ERAP1: variants seen among roughly 807,000 people sequenced by gnomAD.
ERAP1 encodes the protein endoplasmic reticulum aminopeptidase 1.
ERAP1 carries 86 observed loss-of-function variants against 103.7 expected under a neutral mutation model. The ratio of observed to expected loss-of-function variants is 0.83; its 90% CI spans 0.70 to 0.99. The LOEUF is 0.99. Ranked by LOEUF, ERAP1 falls within the 50% of genes least tolerant of loss-of-function variation. The probability of loss-of-function intolerance (pLI) is 0.00; values close to 1 mark genes in which losing one functional copy is unlikely to be tolerated. For synonymous variants in ERAP1, 398 were observed against 402.4 expected (o/e 0.99, Z 0.13); for missense variants, 1,009 against 1,128.4 (o/e 0.89, Z 1.52).
the ERAP1 span, among the ~76,000 whole-genome samples, chr5:96,837,207 T>G: frequency 6.6e-6 from 1 of 152,246 alleles, no homozygotes; most frequent in African/African-American, 2.4e-5. Context: ...AATGTCAATA[T>G]TTATGATATG....
the ERAP1 span, chr5:96,919,840 A>G: frequency 2.0e-5 from 3 of 152,276 alleles, no homozygotes; most frequent in Admixed American, 6.5e-5. Flanking sequence ...GTTATATGCA[A>G]GATCATGAAT....
At chr5:96,786,005 G>T (rs1300550147) in intron 12 of ERAP1, 34 bp from the exon 13 acceptor site, 1 of 1,601,760 alleles carries the variant, frequency 6.2e-7, no homozygotes, top group Non-Finnish European at 8.5e-7. Flanking sequence ...AGTTCCATTT[G>T]CTCCCCTGCC....
chr5:96,886,557 G>A, the ERAP1 span: 1 of 1,076,852 alleles, frequency 9.3e-7, no homozygotes. Context: ...GTCCTTCAGA[G>A]TATGAGGCTT....
At chr5:96,845,433 C>T in the ERAP1 span, among the ~76,000 whole-genome samples, 1 of 152,096 alleles carries the variant, frequency 6.6e-6, no homozygotes, top group Non-Finnish European at 1.5e-5. Flanking sequence ...CAAGGTTTCA[C>T]CATGTTGGCT....
the ERAP1 span, chr5:96,900,163 T>C: frequency 6.2e-7 from 1 of 1,613,834 alleles, no homozygotes; most frequent in East Asian, 2.2e-5. Flanking sequence ...AGTTTGTCAT[T>C]CGGATCCCAA....
intron 19 of ERAP1, chr5:96,767,352 A>G: frequency 9.3e-7 from 1 of 1,073,312 alleles, no homozygotes; most frequent in East Asian, 2.4e-5. Context: ...AAGTCAAGTC[A>G]TGGGACAATA....
At chr5:96,933,547 C>A in the ERAP1 span, among the ~76,000 whole-genome samples, 1 of 152,074 alleles carries the variant, frequency 6.6e-6, no homozygotes, top group Non-Finnish European at 1.5e-5. Context: ...AATGATCCAC[C>A]TATATTCGCT....
chr5:96,917,398 G>C, the ERAP1 span: 1 of 1,495,170 alleles, frequency 6.7e-7, no homozygotes. Flanking sequence ...TGGGATTACA[G>C]GTGTGAACCA....
intron 19 of ERAP1, among the ~76,000 whole-genome samples, chr5:96,765,556 T>C (rs1421468444): frequency 3.3e-5 from 5 of 152,016 alleles, no homozygotes; most frequent in African/African-American, 1.2e-4. Context: ...GAGGTAGGTG[T>C]GGGGTATGCA....
chr5:96,802,916 A>G (rs2150997972), intron 2 of ERAP1, among the ~76,000 whole-genome samples: 1 of 152,198 alleles, frequency 6.6e-6, no homozygotes, highest in African/African-American at 2.4e-5. Context: ...GGCATGGAGT[A>G]CCAGGGATCC....
intron 3 of ERAP1, 62 bp from the exon 4 acceptor site, chr5:96,797,371 A>C: frequency 6.4e-7 from 1 of 1,559,946 alleles, no homozygotes; most frequent in Non-Finnish European, 8.8e-7. Context: ...GAACATGATA[A>C]ATTTCCTAAT....
At chr5:96,917,413 A>C in the ERAP1 span, 3 of 1,544,168 alleles carry the variant, frequency 1.9e-6, no homozygotes, top group Non-Finnish European at 8.8e-7. Flanking sequence ...GAACCACCAC[A>C]CTCGGCCAAG....
the ERAP1 span, among the ~76,000 whole-genome samples, chr5:96,837,071 G>A: frequency 6.6e-6 from 1 of 152,100 alleles, no homozygotes; most frequent in Non-Finnish European, 1.5e-5. Flanking sequence ...GAATTGGAGA[G>A]GAAGGAGGAA....
the ERAP1 span, among the ~76,000 whole-genome samples, chr5:96,813,680 C>G: frequency 1.7e-5 from 2 of 115,462 alleles, no homozygotes; most frequent in Non-Finnish European, 3.7e-5. Flanking sequence ...AAAAAAAAGC[C>G]TGGACTGCCT....
In ERAP1 at chr5:96,775,436, A is replaced by G; in HGVS notation, c.*960T>C. 1.0e-6 allele frequency: 1 copy of G among 984,664 alleles called. No individual in the cohort carries two copies. Among genetic ancestry groups the G allele is most frequent in the Non-Finnish European group, 1.2e-6 (1 of 829,200 alleles). The allele number at this position is 984,664 out of a possible 1,614,324, so 61.0% of individuals were successfully genotyped here. On this transcript the variant is annotated 3_prime_UTR_variant, in exon 19 of 19. Coordinates refer to ENST00000443439, the MANE Select transcript of ERAP1 (RefSeq NM_001040458.3). ...TAGGCCAAATAAGAAGCAGAGAGAGAAAAAAAATCACCTCCCTAAGAAAAG... is the reference window on the plus strand; with the variant it reads ...TAGGCCAAATAAGAAGCAGAGAGAGGAAAAAAATCACCTCCCTAAGAAAAG...
chr5:96,891,210 A>G, the ERAP1 span, among the ~76,000 whole-genome samples: 1 of 152,130 alleles, frequency 6.6e-6, no homozygotes, highest in African/African-American at 2.4e-5. Context: ...TTAAAAAATT[A>G]TCTTTTTTTC....
chr5:96,880,095 T>G, the ERAP1 span: 1 of 1,614,180 alleles, frequency 6.2e-7, no homozygotes, highest in African/African-American at 1.3e-5. Context: ...GGAAAAGAAC[T>G]GAAAGTTTTG....
chr5:96,839,320 G>A, the ERAP1 span, among the ~76,000 whole-genome samples: 1 of 151,892 alleles, frequency 6.6e-6, no homozygotes, highest in African/African-American at 2.4e-5. Context: ...CCACCCCCCA[G>A]AGATCTGGCT....
chr5:96,826,763 G>A, the ERAP1 span, among the ~76,000 whole-genome samples: 2 of 152,092 alleles, frequency 1.3e-5, no homozygotes, highest in Admixed American at 6.6e-5. Context: ...TGCCTTGAAC[G>A]TTATGGTTTT....
Sources: allele counts gnomAD v4.1 joint callset (sites outside exome capture counted in the v4.1 genomes callset), GRCh38; gene constraint gnomAD v4.1.1; transcripts MANE v1.5; gene names NCBI Gene and HGNC (gene_info 2026-07-23, HGNC 2026-07-21).